Variants in TEK observed in about 807,000 individuals in gnomAD.
TEK encodes TEK receptor tyrosine kinase, also known as angiopoietin-1 receptor.
A neutral mutation model predicts 131.8 loss-of-function variants in TEK; 43 were observed. That is an observed-to-expected ratio of 0.33 (90% CI 0.26 to 0.42). The LOEUF (loss-of-function observed/expected upper bound fraction) is 0.42. Ranked by LOEUF, TEK falls within the 10% of genes least tolerant of loss-of-function variation. The probability of loss-of-function intolerance (pLI) is 1.00; values close to 1 mark genes in which losing one functional copy is unlikely to be tolerated. For missense variants in TEK, 1,162 were observed against 1,384.4 expected, an observed-to-expected ratio of 0.84 and a Z score of 2.55; for synonymous variants, 580 against 491.6, an observed-to-expected ratio of 1.18 and a Z score of -2.38.
At chr9:27,192,447 G>A in intron 10 of TEK, 42 bp from the exon 11 acceptor site, 2 of 1,612,950 alleles carry the variant, frequency 1.2e-6, no homozygotes, top group Non-Finnish European at 1.7e-6. Flanking sequence ...AGGAATGTAA[G>A]AGAATGCCAA....
At chr9:27,220,274 A>G (rs113570583) in intron 21 of TEK, 129 bp downstream of exon 21, 5 of 769,902 alleles carry the variant, frequency 6.5e-6, no homozygotes, top group African/African-American at 1.7e-5. Context: ...GATCCCAAAT[A>G]GGAACCCCTC....
intron 21 of TEK, among the ~76,000 whole-genome samples, chr9:27,227,421 T>G (rs1587062202): frequency 6.6e-6 from 1 of 152,296 alleles, no homozygotes; most frequent in East Asian, 1.9e-4. Context: ...TTAAACCTGT[T>G]GTCTTAGTCA....
intron 6 of TEK, among the ~76,000 whole-genome samples, chr9:27,174,172 A>T (rs12350649): frequency 0.13 from 19,916 of 152,166 alleles, 1,499 homozygotes; most frequent in Admixed American, 0.23. Flanking sequence ...GTAGCTCAAC[A>T]TGAACCTGCA....
intron 2 of TEK, among the ~76,000 whole-genome samples, chr9:27,160,216 G>T (rs1045440326): frequency 6.6e-6 from 1 of 151,612 alleles, no homozygotes; most frequent in Non-Finnish European, 1.5e-5. Context: ...TAGATATGGG[G>T]GTCCTGCTTT....
In TEK at chr9:27,136,082, G is replaced by GTTATTTT. The variant is rs1357880465; in HGVS notation, c.53-21746_53-21740dup. 2.3e-4 allele frequency among the ~76,000 whole-genome samples: 23 copies of GTTATTTT among 99,196 alleles called. 1 individual carries two copies. In the South Asian group the frequency reaches 4.8e-3, roughly 21 times the overall value. 65.1% of individuals were successfully genotyped at this position (99,196 alleles called of 152,430 possible). A position where few individuals can be genotyped will look rare whatever the true frequency, so the allele number is the denominator to read the frequency against. On this transcript the variant is annotated intron_variant, in intron 1 of 22. Transcript: ENST00000380036. ...GTTTCCTCTGTGAATTCCCAGGGCA[G>GTTATTTT]TTATTTTTTTTTTTTTTGAGATGGA...
chr9:27,137,922 G>C (rs887962796), intron 1 of TEK, among the ~76,000 whole-genome samples: 2 of 152,154 alleles, frequency 1.3e-5, no homozygotes, highest in Admixed American at 6.6e-5. Flanking sequence ...TCTTAAAGAT[G>C]GTGTGTCCAG....
At chr9:27,200,416 G>A (rs1007156948) in intron 12 of TEK, among the ~76,000 whole-genome samples, 2 of 152,074 alleles carry the variant, frequency 1.3e-5, no homozygotes, top group African/African-American at 4.8e-5. Flanking sequence ...CTAGTTAATA[G>A]TCACTGGGAG....
intron 21 of TEK, among the ~76,000 whole-genome samples, chr9:27,221,972 C>A (rs1826101947): frequency 6.6e-6 from 1 of 152,094 alleles, no homozygotes; most frequent in Non-Finnish European, 1.5e-5. Context: ...TAACCCAATG[C>A]AAGGAAGCTA....
At chr9:27,129,381 T>C (rs1822123797) in intron 1 of TEK, among the ~76,000 whole-genome samples, 1 of 152,184 alleles carries the variant, frequency 6.6e-6, no homozygotes, top group African/African-American at 2.4e-5. Flanking sequence ...TTCTTATGAC[T>C]AATTTCCTTT....
At chr9:27,137,263 C>A (rs974375225) in intron 1 of TEK, among the ~76,000 whole-genome samples, 1 of 152,060 alleles carries the variant, frequency 6.6e-6, no homozygotes, top group African/African-American at 2.4e-5. Flanking sequence ...TCATATGTAC[C>A]CTATGCATTT....
chr9:27,230,159 G>C lies in TEK; in HGVS notation c.*927G>C, dbSNP rs1393204358. ...TATATCATGAGTGAATAAATGTCTTGCCTACTCACGTCTCATCCAGGAGTG... is the reference window on the plus strand; with the variant it reads ...TATATCATGAGTGAATAAATGTCTTCCCTACTCACGTCTCATCCAGGAGTG... On this transcript the variant is annotated 3_prime_UTR_variant, in exon 23 of 23. Coordinates refer to ENST00000380036, the MANE Select transcript of TEK (RefSeq NM_000459.5). 2 of 152,114 alleles carry C rather than the reference G, an allele frequency of 1.3e-5. No homozygotes were observed. The highest frequency in any genetic ancestry group is 2.4e-5 in the African/African-American group (1 of 41,430). The allele number at this position is 152,114 out of a possible 1,614,324, so 9.4% of individuals were successfully genotyped here. A position where few individuals can be genotyped will look rare whatever the true frequency, so the allele number is the denominator to read the frequency against.
chr9:27,128,759 C>T (rs1822094402), intron 1 of TEK, among the ~76,000 whole-genome samples: 5 of 151,368 alleles, frequency 3.3e-5, no homozygotes, highest in Admixed American at 3.3e-4. Flanking sequence ...GGAGCTCGCT[C>T]ATGATTTGGC....
At chr9:27,112,318 G>T (rs891727654) in intron 1 of TEK, among the ~76,000 whole-genome samples, 2 of 152,156 alleles carry the variant, frequency 1.3e-5, no homozygotes, top group Admixed American at 6.5e-5. Flanking sequence ...CCCTTGTTAG[G>T]GCTGGTCTCA....
chr9:27,190,751 C>T, intron 10 of TEK, 61 bp downstream of exon 10: 4 of 1,602,348 alleles, frequency 2.5e-6, no homozygotes, highest in Non-Finnish European at 3.4e-6. Context: ...TTATTTTTCT[C>T]CAAATCTAGA....
chr9:27,130,626 CTTT>C (rs571794271), intron 1 of TEK, among the ~76,000 whole-genome samples: 1 of 121,816 alleles, frequency 8.2e-6, no homozygotes. Flanking sequence ...GATTAAAGTA[CTTT>C]TTTTTTTTTT....
intron 1 of TEK, among the ~76,000 whole-genome samples, chr9:27,124,972 G>T (rs960792550): frequency 6.6e-6 from 1 of 152,084 alleles, no homozygotes; most frequent in Non-Finnish European, 1.5e-5. Flanking sequence ...AGTGACCTTC[G>T]GAACAGTCCC....
chr9:27,177,798 A>G (rs1279859470), intron 6 of TEK, among the ~76,000 whole-genome samples: 6 of 152,006 alleles, frequency 3.9e-5, no homozygotes, highest in Admixed American at 3.9e-4. Flanking sequence ...TCCTTTGTCC[A>G]TTTTTTTATC....
intron 16 of TEK, among the ~76,000 whole-genome samples, chr9:27,211,528 C>T (rs973656406): frequency 1.4e-5 from 2 of 148,100 alleles, no homozygotes; most frequent in African/African-American, 5.0e-5. Flanking sequence ...TGTCAGCCCA[C>T]TGCAACCTCC....
chr9:27,204,937 A>G lies in TEK; in HGVS notation c.2236A>G (p.Met746Val). 6.2e-7 allele frequency: 1 copy of G among 1,614,034 alleles called. No homozygotes were observed. The highest frequency in any genetic ancestry group is 1.1e-5 in the South Asian group (1 of 91,076). ...QAPADLGGGK[M>V]LLIAILGSAG... ...ACCAGCGGACCTCGGAGGGGGGAAG[A>G]TGCTGCTTATAGCCATCCTTGGCTC... Residue 746 changes from methionine to valine, a missense_variant, in exon 14 of 23, where the codon ATG becomes GTG. By Grantham distance (21) the Met-to-Val change is conservative. Around this residue, in one of 6 missense-constraint regions of TEK, gnomAD observed 477 missense variants for 471.0 expected, o/e 1.01. Coordinates refer to ENST00000380036, the MANE Select transcript of TEK (RefSeq NM_000459.5).
Sources: allele counts gnomAD v4.1 joint callset (sites outside exome capture counted in the v4.1 genomes callset), GRCh38; gene constraint gnomAD v4.1.1; regional missense constraint gnomAD v4.1.1; transcripts MANE v1.5; gene names NCBI Gene and HGNC (gene_info 2026-07-23, HGNC 2026-07-21).